CORO1B: variants seen among roughly 807,000 people sequenced by gnomAD.
CORO1B encodes coronin-1B.
A neutral mutation model predicts 51.1 loss-of-function variants in CORO1B; 30 were observed. That is an observed-to-expected ratio of 0.59 (90% CI 0.44 to 0.80). The LOEUF (loss-of-function observed/expected upper bound fraction) is 0.80. Ranked by LOEUF, CORO1B falls within the 30% of genes least tolerant of loss-of-function variation. The probability of loss-of-function intolerance (pLI) is 0.00; values close to 1 mark genes in which losing one functional copy is unlikely to be tolerated. For missense variants in CORO1B, 648 were observed against 700.4 expected (o/e 0.93, Z 0.84); for synonymous variants, 310 against 289.7 (o/e 1.07, Z -0.71).
chr11:67,435,755 C>A lies in CORO1B; in HGVS notation c.*2621G>T. The A allele has an allele frequency of 6.4e-7, 1 of 1,550,802 alleles. No homozygotes were observed. Among genetic ancestry groups the A allele is most frequent in the Admixed American group, 1.8e-5 (1 of 54,782 alleles). On this transcript the variant is annotated 3_prime_UTR_variant, in exon 11 of 11. Coordinates refer to ENST00000341356, the MANE Select transcript of CORO1B (RefSeq NM_020441.3). ...CCTCTACAGTGCGGTGACATGGAGG[C>A]CCTGGCCCCCAGCTGCCCTGGCGCT...
rs1864297503 is a variant in CORO1B, at chr11:67,436,977, G to A, written c.*1399C>T. On this transcript the variant is annotated 3_prime_UTR_variant, in exon 11 of 11. Transcript: ENST00000341356. The stretch of plus-strand genomic sequence containing the variant: ...GGAGAGGAGATGGGAGGGAGGGAAG[G>A]AGGTTGCTAGCTGGTGTCAGGGCTG... 6.6e-6 allele frequency: 1 copy of A among 152,586 alleles called. No homozygotes were observed. The highest frequency in any genetic ancestry group is 2.4e-5 in the African/African-American group (1 of 41,434). The allele number at this position is 152,586 out of a possible 1,614,324, so 9.5% of individuals were successfully genotyped here.
chr11:67,441,834 G>A lies in CORO1B; in HGVS notation c.353C>T (p.Thr118Ile). ...MVWQIPENGL[T>I]SPLTEPVVVL... is the part of the protein sequence containing the mutation. ...CACCACCGGCTCTGTCAGCGGGGAG[G>A]TCAGCCCGTTCTCTGGGATCTGCCA... is the stretch of plus-strand genomic sequence containing the variant. The change falls in exon 4 of 11, where the codon ACC (threonine) becomes ATC (isoleucine). Residue 118 changes from threonine (T) to isoleucine (I), a missense_variant. Thr to Ile is a moderately conservative substitution (Grantham distance 89, BLOSUM62 -1). Transcript: ENST00000341356. The A allele has an allele frequency of 6.2e-7, 1 of 1,613,176 alleles. No individual in the cohort carries two copies. Among genetic ancestry groups the A allele is most frequent in the Non-Finnish European group, 8.5e-7 (1 of 1,179,980 alleles).
upstream of CORO1B, chr11:67,443,586 C>T (rs1442523281): frequency 5.7e-6 from 4 of 700,114 alleles, no homozygotes; most frequent in African/African-American, 7.8e-5. Context: ...GGCTGAGCGG[C>T]GCCGGGGGGC....
Position 67,436,343 on chromosome 11 carries a change from G to C in CORO1B, c.*2033C>G. On this transcript the variant is annotated 3_prime_UTR_variant, in exon 11 of 11. Coordinates refer to ENST00000341356, the MANE Select transcript of CORO1B (RefSeq NM_020441.3). ...CAGCATCCCGAGCCCTAAGGTGCAG[G>C]GCAGAGCCTGTGGGAGACAGGCAGG... 6.8e-7 allele frequency: 1 copy of C among 1,468,528 alleles called. No individual in the cohort carries two copies. Among genetic ancestry groups the C allele is most frequent in the African/African-American group, 1.4e-5 (1 of 70,898 alleles). 91.0% of individuals were successfully genotyped at this position (1,468,528 alleles called of 1,614,324 possible). A position where few individuals can be genotyped will look rare whatever the true frequency, so the allele number is the denominator to read the frequency against.
chr11:67,442,707 C>T (rs1272405555), intron 1 of CORO1B, 77 bp from the exon 2 acceptor site: 2 of 1,475,404 alleles, frequency 1.4e-6, no homozygotes, highest in Non-Finnish European at 1.9e-6. Flanking sequence ...GAAGGTGAGC[C>T]GGGAGGATGC....
rs1864321648 is a variant in CORO1B at position 67,438,084 on chromosome 11, A to G, written c.*292T>C. 2 of 389,482 alleles carry G rather than the reference A, an allele frequency of 5.1e-6. No individual in the cohort carries two copies. The highest frequency in any genetic ancestry group is 9.1e-6 in the Non-Finnish European group (2 of 219,200). The allele number at this position is 389,482 out of a possible 1,614,324, so 24.1% of individuals were successfully genotyped here. A position where few individuals can be genotyped will look rare whatever the true frequency, so the allele number is the denominator to read the frequency against. ...AGAGAATTTTATTTGGAATGAAAAT[A>G]TAGAGCCCACCCTCCCGCCTCCTCT... is the stretch of plus-strand genomic sequence containing the variant. On this transcript the variant is annotated 3_prime_UTR_variant, in exon 11 of 11. Transcript: ENST00000341356.
In CORO1B at chr11:67,437,571, C is replaced by T. The variant is rs879227172; in HGVS notation, c.*805G>A. ...CAGGCCCAGACATTCTAGCCCCGAC[C>T]GCCTGTGGCCCCCATCCCAAGAACC... is the stretch of plus-strand genomic sequence containing the variant. On this transcript the variant is annotated 3_prime_UTR_variant, in exon 11 of 11. Transcript: ENST00000341356. The T allele has an allele frequency of 1.5e-4, 195 of 1,338,918 alleles. No homozygotes were observed. The highest frequency in any genetic ancestry group is 3.4e-4 in the South Asian group (14 of 41,760). The allele number at this position is 1,338,918 out of a possible 1,614,324, so 82.9% of individuals were successfully genotyped here.
In CORO1B at chr11:67,435,719, A is replaced by AC. The variant is rs747395479; in HGVS notation, c.*2656dup. Reference sequence around the variant, plus strand: ...TGAGCGGCTGTGACAGGGATGGGACACCAAGACCGGCCTCTACAGTGCGGT... The same window carrying AC: ...TGAGCGGCTGTGACAGGGATGGGACACCCAAGACCGGCCTCTACAGTGCGGT... On this transcript the variant is annotated 3_prime_UTR_variant, in exon 11 of 11. Coordinates refer to ENST00000341356, the MANE Select transcript of CORO1B (RefSeq NM_020441.3). The AC allele has an allele frequency of 6.0e-6, 9 of 1,504,734 alleles. No individual in the cohort carries two copies. The highest frequency in any genetic ancestry group is 8.0e-6 in the Non-Finnish European group (9 of 1,131,152). The allele number at this position is 1,504,734 out of a possible 1,614,324, so 93.2% of individuals were successfully genotyped here. A position where few individuals can be genotyped will look rare whatever the true frequency, so the allele number is the denominator to read the frequency against.
Position 67,438,753 on chromosome 11 carries a change from G to T in CORO1B, c.1262C>A (p.Pro421Gln). 6.4e-7 allele frequency: 1 copy of T among 1,564,378 alleles called. No individual in the cohort carries two copies. Among genetic ancestry groups the T allele is most frequent in the East Asian group, 2.4e-5 (1 of 42,456 alleles). Reference sequence around the variant, plus strand: ...GGGGGCCCCTAGGTGGGAGGAGCCCGGGGCCATGGCGGGCCGGCTGTCAGA... The same window carrying T: ...GGGGGCCCCTAGGTGGGAGGAGCCCTGGGCCATGGCGGGCCGGCTGTCAGA... ...VLSDSRPAMAPGSSHLGAPAS... is the reference protein window; with the variant it reads ...VLSDSRPAMAQGSSHLGAPAS... The change falls in exon 10 of 11, where the codon CCG (proline) becomes CAG (glutamine). Residue 421 changes from proline (P) to glutamine (Q), a missense_variant. Coordinates refer to ENST00000341356, the MANE Select transcript of CORO1B (RefSeq NM_020441.3).
At position 67,438,201 on chromosome 11, in the gene CORO1B, A is replaced by G; in HGVS notation, c.*175T>C. ...GGGCGTAGACATCCTCCACAGGAAC[A>G]GTGAGGAAAGCTGGGCGCTGGCTTC... On this transcript the variant is annotated 3_prime_UTR_variant, in exon 11 of 11. Coordinates refer to ENST00000341356, the MANE Select transcript of CORO1B (RefSeq NM_020441.3). The G allele has an allele frequency of 1.4e-6, 1 of 737,140 alleles. No individual in the cohort carries two copies. Among genetic ancestry groups the G allele is most frequent in the Non-Finnish European group, 2.1e-6 (1 of 471,602 alleles). 45.7% of individuals were successfully genotyped at this position (737,140 alleles called of 1,614,324 possible).
chr11:67,442,043 C>G lies in CORO1B; in HGVS notation c.247G>C (p.Gly83Arg). 1 of 1,613,164 alleles carries G rather than the reference C, an allele frequency of 6.2e-7. No homozygotes were observed. Among genetic ancestry groups the G allele is most frequent in the South Asian group, 1.1e-5 (1 of 91,082 alleles). ...CACCAGTCGATGTCCAGGACAGGTCCCGTGTGCCCACACACCGTCGGGTAG... is the reference window on the plus strand; with the variant it reads ...CACCAGTCGATGTCCAGGACAGGTCGCGTGTGCCCACACACCGTCGGGTAG... The part of the protein sequence containing the change: ...KAYPTVCGHT[G>R]PVLDIDWCPH... Residue 83 changes from glycine (G) to arginine (R), a missense_variant, in exon 3 of 11, where the codon GGA becomes CGA. Coordinates refer to ENST00000341356, the MANE Select transcript of CORO1B (RefSeq NM_020441.3).
In CORO1B at chr11:67,441,181, C is replaced by A; in HGVS notation, c.700G>T (p.Val234Leu). 6.2e-7 allele frequency: 1 copy of A among 1,613,202 alleles called. No homozygotes were observed. The highest frequency in any genetic ancestry group is 1.1e-5 in the South Asian group (1 of 91,090). The change falls in exon 6 of 11, where the codon GTG (valine) becomes TTG (leucine). Residue 234 changes from valine to leucine, a missense_variant. Coordinates refer to ENST00000341356, the MANE Select transcript of CORO1B (RefSeq NM_020441.3). ...ATTCGGCTGAAGCCTGTGGTGAACA[C>A]CTTGCCATCTGCCAGGAAGATGGCC... ...MRAIFLADGK[V>L]FTTGFSRMSE...
chr11:67,437,210 G>T lies in CORO1B; in HGVS notation c.*1166C>A, dbSNP rs546965444. The T allele has an allele frequency of 6.2e-4, 108 of 173,814 alleles. No individual in the cohort carries two copies. The highest frequency in any genetic ancestry group is 1.9e-3 in the Admixed American group (31 of 15,910). 10.8% of individuals were successfully genotyped at this position (173,814 alleles called of 1,614,324 possible). On this transcript the variant is annotated 3_prime_UTR_variant, in exon 11 of 11. Coordinates refer to ENST00000341356, the MANE Select transcript of CORO1B (RefSeq NM_020441.3). The stretch of plus-strand genomic sequence containing the variant: ...GCGTGCAGGGCCGGGGGCTGGGGGG[G>T]GCTGGGGGAGGCGGGCGCAGCTGCC...
At chr11:67,438,610 A>T in intron 10 of CORO1B, 61 bp downstream of exon 10, 2 of 1,523,012 alleles carry the variant, frequency 1.3e-6, no homozygotes, top group East Asian at 4.8e-5. Flanking sequence ...GCTGAAGCCC[A>T]CACAGCAGGC....
intron 7 of CORO1B, 31 bp from the exon 8 acceptor site, chr11:67,440,294 A>G (rs1228813735): frequency 6.2e-7 from 1 of 1,612,476 alleles, no homozygotes; most frequent in East Asian, 2.2e-5. Context: ...GCACCTGGGC[A>G]CGCCTCTTCC....
upstream of CORO1B, chr11:67,443,641 C>G (rs1410106533): frequency 1.2e-6 from 1 of 841,410 alleles, no homozygotes; most frequent in Non-Finnish European, 1.4e-6. Context: ...AGCCCCTTTC[C>G]TAGGACCCGG....
chr11:67,442,628 TGTCTGCGGGACAGAGAG>T lies in CORO1B; in HGVS notation c.-2-15_-1del. 1 of 1,613,406 alleles carries T rather than the reference TGTCTGCGGGACAGAGAG, an allele frequency of 6.2e-7. No homozygotes were observed. The highest frequency in any genetic ancestry group is 8.5e-7 in the Non-Finnish European group (1 of 1,179,960). The stretch of plus-strand genomic sequence containing the variant: ...TGCCGGACCACTTTGCGGAAGGACA[TGTCTGCGGGACAGAGAG>T]GCCTGGGTCAGTCCGGCCCATCCCA... On this transcript the variant is annotated splice_acceptor_variant and splice_polypyrimidine_tract_variant and 5_prime_UTR_variant and intron_variant, in exon 2 of 11. Transcript: ENST00000341356. LOFTEE classifies it low-confidence loss of function (5UTR_SPLICE).
At position 67,440,207 on chromosome 11, in the gene CORO1B, G is replaced by T; in HGVS notation, c.918C>A (p.Phe306Leu). The T allele has an allele frequency of 6.2e-7, 1 of 1,613,932 alleles. No individual in the cohort carries two copies. Among genetic ancestry groups the T allele is most frequent in the Non-Finnish European group, 8.5e-7 (1 of 1,179,996 alleles). ...GCTCCTTGCTGGTGAACGTGTTCAG[G>T]AAGTGGATGTAGGGAGGCTCCTCTG... ...EITEEPPYIH[F>L]LNTFTSKEPQ... Residue 306 changes from phenylalanine (F) to leucine (L), a missense_variant, in exon 8 of 11, where the codon TTC (phenylalanine) becomes TTA (leucine). Physicochemically the swap from Phe to Leu is conservative, Grantham distance 22. Coordinates refer to ENST00000341356, the MANE Select transcript of CORO1B (RefSeq NM_020441.3).
At position 67,438,873 on chromosome 11, in the gene CORO1B, C is replaced by A; in HGVS notation, c.1142G>T (p.Ser381Ile). 1.2e-6 allele frequency: 2 copies of A among 1,608,582 alleles called. No homozygotes were observed. Among genetic ancestry groups the A allele is most frequent in the South Asian group, 2.2e-5 (2 of 90,156 alleles). ...GAGGATCGGGTCGGCATCCCGCCCG[C>A]TCACCCACTCCTCAGCCTCCAGGGC... Reference protein sequence around the residue: ...EAALEAEEWVSGRDADPILIS... With the variant: ...EAALEAEEWVIGRDADPILIS... Residue 381 changes from serine (S) to isoleucine (I), a missense_variant, in exon 10 of 11, where the codon AGC becomes ATC. Coordinates refer to ENST00000341356, the MANE Select transcript of CORO1B (RefSeq NM_020441.3).
Sources: gnomAD v4.1 joint callset for allele counts on GRCh38, gnomAD v4.1.1 for gene constraint, MANE v1.5 for transcripts, NCBI Gene and HGNC (gene_info 2026-07-23, HGNC 2026-07-21) for gene names.